SPON1: variants seen among roughly 807,000 people sequenced by gnomAD.
SPON1 encodes the protein spondin-1.
A neutral mutation model predicts 111.7 loss-of-function variants in SPON1; 52 were observed. The ratio of observed to expected loss-of-function variants is 0.47; its 90% CI spans 0.37 to 0.59. The LOEUF is 0.59. Among genes scored for constraint, SPON1 ranks in the 20% least tolerant of loss-of-function variants. SPON1 has a pLI of 0.00. For missense variants in SPON1, 957 were observed against 1,068.5 expected, an observed-to-expected ratio of 0.90 and a Z score of 1.46; for synonymous variants, 410 against 395.8, an observed-to-expected ratio of 1.04 and a Z score of -0.43.
chr11:13,982,790 A>G (rs1554909824), intron 1 of SPON1, 57 bp from the exon 2 acceptor site: 2 of 1,204,482 alleles, frequency 1.7e-6, no homozygotes, highest in Non-Finnish European at 1.2e-6. Context: ...ATCCCATTTG[A>G]CAAATGGACA....
intron 15 of SPON1, among the ~76,000 whole-genome samples, chr11:14,264,093 C>T (rs1256537369): frequency 2.0e-5 from 3 of 151,104 alleles, no homozygotes; most frequent in Admixed American, 6.6e-5. Flanking sequence ...TACAAAGGCA[C>T]AGAGATGCCA....
chr11:14,073,208 G>A (rs1554921101), intron 3 of SPON1, among the ~76,000 whole-genome samples: 1 of 152,040 alleles, frequency 6.6e-6, no homozygotes. Context: ...CAAACATTGA[G>A]CCATCAGAAA....
chr11:14,045,263 CTG>C (rs1299645551), intron 3 of SPON1, among the ~76,000 whole-genome samples: 1 of 152,120 alleles, frequency 6.6e-6, no homozygotes, highest in Non-Finnish European at 1.5e-5. Flanking sequence ...TTTTAATAAT[CTG>C]TCTTTTAAAA....
chr11:14,184,059 C>T (rs1053561499), intron 6 of SPON1, among the ~76,000 whole-genome samples: 2 of 152,144 alleles, frequency 1.3e-5, no homozygotes, highest in African/African-American at 4.8e-5. Context: ...TTATGTCAAA[C>T]ATCCAGCCCA....
At chr11:14,164,241 G>A (rs955344951) in intron 6 of SPON1, among the ~76,000 whole-genome samples, 1 of 152,148 alleles carries the variant, frequency 6.6e-6, no homozygotes, top group Admixed American at 6.5e-5. Flanking sequence ...GGAAGTCCAT[G>A]GATAAATTTA....
intron 6 of SPON1, among the ~76,000 whole-genome samples, chr11:14,139,342 T>C (rs1847624990): frequency 6.6e-6 from 1 of 152,166 alleles, no homozygotes; most frequent in East Asian, 1.9e-4. Flanking sequence ...TTTCCCTGAT[T>C]CTGTACTAAA....
intron 3 of SPON1, among the ~76,000 whole-genome samples, chr11:14,058,860 A>G (rs1848767843): frequency 6.6e-6 from 1 of 152,204 alleles, no homozygotes; most frequent in Non-Finnish European, 1.5e-5. Context: ...GATATAGCTC[A>G]TAAGTAGCAG....
At position 13,982,926 on chromosome 11, in the gene SPON1, GGAA is replaced by G. The variant is rs781950047; in HGVS notation, c.324_326del (p.Glu108del). ...TCAGAGAGAACAGAGAGGGTGATAAGGAAGAAGACCATGCTGGGACCTTCCAGG... is the reference window on the plus strand; with the variant it reads ...TCAGAGAGAACAGAGAGGGTGATAAGGAAGACCATGCTGGGACCTTCCAGG... On this transcript the variant is annotated inframe_deletion, in exon 2 of 16. Coordinates refer to ENST00000576479, the MANE Select transcript of SPON1 (RefSeq NM_006108.4). 63 of 1,556,552 alleles carry G rather than the reference GGAA, an allele frequency of 4.0e-5. No homozygotes were observed. The highest frequency in any genetic ancestry group is 5.4e-5 in the Non-Finnish European group (62 of 1,149,284).
At chr11:14,128,162 G>A (rs559527448) in intron 5 of SPON1, among the ~76,000 whole-genome samples, 22 of 152,130 alleles carry the variant, frequency 1.4e-4, no homozygotes, top group African/African-American at 4.8e-4. Context: ...CTTCCCAACA[G>A]TCCCCCAAAG....
At chr11:14,212,759 A>G (rs190671480) in intron 6 of SPON1, among the ~76,000 whole-genome samples, 556 of 152,212 alleles carry the variant, frequency 3.7e-3, no homozygotes, top group Admixed American at 0.01. Context: ...TTATATTTGC[A>G]TGGGTTGTCT....
Position 14,259,877 on chromosome 11 carries a change from C to T in SPON1, c.1831+176C>T, listed in dbSNP as rs1849153464. 6.6e-6 allele frequency among the ~76,000 whole-genome samples: 1 copy of T among 152,198 alleles called. No homozygotes were observed. Among genetic ancestry groups the T allele is most frequent in the Admixed American group, 6.5e-5 (1 of 15,284 alleles). On this transcript the variant is annotated intron_variant, in intron 13 of 15. Coordinates refer to ENST00000576479, the MANE Select transcript of SPON1 (RefSeq NM_006108.4). The surrounding 1 kb of genome is among the most constrained non-coding windows in gnomAD (Gnocchi z 5.0). ...GAGACATAGGTGTGTAGACATCAACCAGACCCAGAGAGAGTAACCTCCACT... is the reference window on the plus strand; with the variant it reads ...GAGACATAGGTGTGTAGACATCAACTAGACCCAGAGAGAGTAACCTCCACT...
chr11:13,994,961 T>C (rs1848260175), intron 2 of SPON1, among the ~76,000 whole-genome samples: 1 of 152,238 alleles, frequency 6.6e-6, no homozygotes, highest in African/African-American at 2.4e-5. Flanking sequence ...ATATAAAATA[T>C]ACAGTGTTTT....
At chr11:14,118,277 G>A (rs1227698891) in intron 5 of SPON1, among the ~76,000 whole-genome samples, 4 of 152,198 alleles carry the variant, frequency 2.6e-5, no homozygotes, top group Non-Finnish European at 5.9e-5. Flanking sequence ...TGTTAGTGGA[G>A]TATTACACAT....
intron 5 of SPON1, among the ~76,000 whole-genome samples, chr11:14,110,618 C>T (rs184871475): frequency 1.3e-5 from 2 of 152,268 alleles, no homozygotes; most frequent in East Asian, 3.9e-4. Flanking sequence ...TAGTGCAGCC[C>T]TCATTCTGAG....
intron 3 of SPON1, among the ~76,000 whole-genome samples, chr11:14,044,986 A>T (rs573439297): frequency 8.5e-5 from 13 of 152,370 alleles, no homozygotes; most frequent in Non-Finnish European, 1.8e-4. Flanking sequence ...AAATAATGTT[A>T]TGATGAATAT....
At chr11:14,233,659 G>A (rs570103125) in intron 6 of SPON1, among the ~76,000 whole-genome samples, 2 of 152,076 alleles carry the variant, frequency 1.3e-5, no homozygotes, top group South Asian at 2.1e-4. Flanking sequence ...GATGCAATGC[G>A]GCCCCTGCTC....
chr11:14,035,667 G>C (rs1295162605), intron 2 of SPON1, among the ~76,000 whole-genome samples: 1 of 150,296 alleles, frequency 6.7e-6, no homozygotes, highest in African/African-American at 2.5e-5. Context: ...ACCCAGACTG[G>C]AGTGCAGTGG....
intron 6 of SPON1, among the ~76,000 whole-genome samples, chr11:14,186,621 ACACT>A (rs1443486188): frequency 3.3e-5 from 5 of 152,178 alleles, no homozygotes; most frequent in African/African-American, 1.2e-4. Flanking sequence ...CATTTATCCA[ACACT>A]CACTCCTGCT....
chr11:14,097,587 G>A (rs1427497788), intron 5 of SPON1, among the ~76,000 whole-genome samples: 2 of 151,940 alleles, frequency 1.3e-5, no homozygotes, highest in Non-Finnish European at 2.9e-5. Flanking sequence ...AATATTCCTT[G>A]GGTTACATAA....
Sources: allele counts gnomAD v4.1 joint callset (sites outside exome capture counted in the v4.1 genomes callset), GRCh38; gene constraint gnomAD v4.1.1; non-coding constraint Gnocchi (gnomAD v3.1); transcripts MANE v1.5; gene names NCBI Gene and HGNC (gene_info 2026-07-23, HGNC 2026-07-21).